TTC29: variants seen among roughly 807,000 people sequenced by gnomAD.
TTC29 encodes tetratricopeptide repeat domain 29.
A neutral mutation model predicts 58.1 loss-of-function variants in TTC29; 49 were observed. That is an observed-to-expected ratio of 0.84 (90% confidence interval 0.67 to 1.07). The LOEUF (loss-of-function observed/expected upper bound fraction) is 1.07. TTC29 is among the 50% of genes least tolerant of loss of function. TTC29 has a pLI of 0.00. For synonymous variants in TTC29, 209 were observed against 196.8 expected (o/e 1.06, Z -0.52); for missense variants, 582 against 555.6 (o/e 1.05, Z -0.48).
chr4:146,772,198 T>C (rs773623370), intron 11 of TTC29, among the ~76,000 whole-genome samples: 5 of 152,146 alleles, frequency 3.3e-5, no homozygotes, highest in Non-Finnish European at 2.9e-5. Context: ...ATTCTGTAGG[T>C]TGTCTGTTTA....
chr4:146,940,307 T>C (rs959331585), intron 2 of TTC29, among the ~76,000 whole-genome samples: 1 of 152,180 alleles, frequency 6.6e-6, no homozygotes, highest in Non-Finnish European at 1.5e-5. Flanking sequence ...TAATTGAAAA[T>C]TGCTTATACT....
At chr4:146,726,295 A>T (rs1230105001) in intron 11 of TTC29, among the ~76,000 whole-genome samples, 1 of 152,092 alleles carries the variant, frequency 6.6e-6, no homozygotes, top group Non-Finnish European at 1.5e-5. Flanking sequence ...TTTACCAAAA[A>T]TTCAAAAAGT....
At chr4:146,935,639 C>T (rs570305698) in intron 4 of TTC29, among the ~76,000 whole-genome samples, 1 of 152,228 alleles carries the variant, frequency 6.6e-6, no homozygotes, top group South Asian at 2.1e-4. Flanking sequence ...AGCCGGCACT[C>T]GATCATTTCA....
At chr4:146,856,631 A>G (rs1008471814) in intron 8 of TTC29, among the ~76,000 whole-genome samples, 6 of 151,310 alleles carry the variant, frequency 4.0e-5, no homozygotes, top group Non-Finnish European at 7.4e-5. Context: ...CAAATACTAT[A>G]ATCAAGGTAA....
intron 4 of TTC29, among the ~76,000 whole-genome samples, chr4:146,935,335 A>G (rs1340468353): frequency 2.0e-5 from 3 of 152,192 alleles, no homozygotes; most frequent in Non-Finnish European, 4.4e-5. Context: ...GTGTACATCA[A>G]TTGTATTAAT....
intron 4 of TTC29, among the ~76,000 whole-genome samples, chr4:146,931,107 C>T (rs1735304757): frequency 6.6e-6 from 1 of 151,910 alleles, no homozygotes; most frequent in Non-Finnish European, 1.5e-5. Context: ...CTTTGGGAGG[C>T]TGAGGTGAGA....
At chr4:146,741,351 A>C (rs1745134153) in intron 11 of TTC29, among the ~76,000 whole-genome samples, 1 of 151,694 alleles carries the variant, frequency 6.6e-6, no homozygotes, top group Admixed American at 6.6e-5. Flanking sequence ...CCATTAAAAA[A>C]CCCCAGAAGA....
At chr4:146,720,223 A>T (rs922309951) in intron 11 of TTC29, among the ~76,000 whole-genome samples, 1 of 152,142 alleles carries the variant, frequency 6.6e-6, no homozygotes, top group African/African-American at 2.4e-5. Context: ...ATTTAGTAAG[A>T]CTCTAAGATG....
At chr4:146,930,084 C>CATATATATAT (rs70958534) in intron 4 of TTC29, among the ~76,000 whole-genome samples, 5,398 of 76,886 alleles carry the variant, frequency 0.07, 374 homozygotes, top group South Asian at 0.088. Flanking sequence ...TGTGTGTGTG[C>CATATATATAT]ATATATATAT....
At chr4:146,855,510 T>C (rs1339220804) in intron 8 of TTC29, among the ~76,000 whole-genome samples, 1 of 152,202 alleles carries the variant, frequency 6.6e-6, no homozygotes, top group Non-Finnish European at 1.5e-5. Context: ...ATTCATTTTA[T>C]TAGTTATTAA....
chr4:146,735,041 A>G (rs1369186785), intron 11 of TTC29, among the ~76,000 whole-genome samples: 5 of 152,184 alleles, frequency 3.3e-5, no homozygotes, highest in African/African-American at 1.2e-4. Context: ...ATAAGAAAAA[A>G]GCAAAATATT....
rs1243998964 is a variant in TTC29 at position 146,903,569 on chromosome 4, A to T, written c.561T>A (p.His187Gln). ...CATCTTCCTCGTAGAGAAGACCCAT[A>T]TGCATGTGTGCCTCGGCTTCTTTCT... ...CGKKEAEAHMHMGLLYEEDGQ... is the reference protein window; with the variant it reads ...CGKKEAEAHMQMGLLYEEDGQ... Residue 187 changes from histidine (H) to glutamine (Q), a missense_variant, in exon 6 of 13, where the codon CAT becomes CAA. Coordinates refer to ENST00000325106, the MANE Select transcript of TTC29 (RefSeq NM_031956.4). The T allele has an allele frequency of 1.9e-6, 3 of 1,612,236 alleles. No homozygotes were observed. Among genetic ancestry groups the T allele is most frequent in the Admixed American group, 3.3e-5 (2 of 59,836 alleles).
chr4:146,794,323 CT>C (rs1749680003), intron 11 of TTC29, among the ~76,000 whole-genome samples: 1 of 152,028 alleles, frequency 6.6e-6, no homozygotes, highest in South Asian at 2.1e-4. Flanking sequence ...AATATTGTTT[CT>C]TTTGCTCACA....
intron 7 of TTC29, among the ~76,000 whole-genome samples, chr4:146,871,498 G>T (rs1041316762): frequency 2.6e-5 from 4 of 151,814 alleles, no homozygotes; most frequent in African/African-American, 4.8e-5. Flanking sequence ...CCATAGTCTT[G>T]TATATAGAGA....
Position 146,728,860 on chromosome 4 carries a change from C to CATATATATGTATATATATACAT in TTC29, c.1331-21310_1331-21309insATGTATATATATACATATATAT, listed in dbSNP as rs1554006144. 5.8e-4 allele frequency among the ~76,000 whole-genome samples: 36 copies of CATATATATGTATATATATACAT among 62,050 alleles called. 1 individual carries two copies. The highest frequency in any genetic ancestry group is 1.4e-3 in the South Asian group (2 of 1,394). The allele number at this position is 62,050 out of a possible 152,430, so 40.7% of individuals were successfully genotyped here. ...ACACATATATATGTATATATATACA[C>CATATATATGTATATATATACAT]ATATATATGTGTGTGTATATATATA... is the stretch of plus-strand genomic sequence containing the variant. On this transcript the variant is annotated intron_variant, in intron 11 of 12. Coordinates refer to ENST00000325106, the MANE Select transcript of TTC29 (RefSeq NM_031956.4).
chr4:146,837,754 T>G (rs1024572237), intron 8 of TTC29, among the ~76,000 whole-genome samples: 1 of 152,092 alleles, frequency 6.6e-6, no homozygotes, highest in African/African-American at 2.4e-5. Context: ...ATCAGGATGG[T>G]TAAAATCTAG....
chr4:146,868,418 G>C (rs56016478), intron 7 of TTC29, among the ~76,000 whole-genome samples: 4,926 of 152,120 alleles, frequency 0.032, 133 homozygotes, highest in East Asian at 0.13. Flanking sequence ...GAGAGTAACT[G>C]ACAGCTTAAT....
intron 4 of TTC29, among the ~76,000 whole-genome samples, chr4:146,932,785 G>A (rs573764767): frequency 7.9e-5 from 12 of 152,198 alleles, no homozygotes; most frequent in South Asian, 4.1e-4. Context: ...GGCCAGGCGC[G>A]GTGGTTCACG....
intron 7 of TTC29, among the ~76,000 whole-genome samples, chr4:146,868,511 C>A (rs542697459): frequency 6.6e-6 from 1 of 152,034 alleles, no homozygotes; most frequent in Non-Finnish European, 1.5e-5. Flanking sequence ...ATCATTTTTT[C>A]TGCAATAAAG....
Sources: gnomAD v4.1 joint callset for allele counts (sites outside exome capture counted in the v4.1 genomes callset) on GRCh38, gnomAD v4.1.1 for gene constraint, MANE v1.5 for transcripts, NCBI Gene and HGNC (gene_info 2026-07-23, HGNC 2026-07-21) for gene names.